CBLB: variants seen among roughly 807,000 people sequenced by gnomAD.
The protein encoded by CBLB is Cbl proto-oncogene B, also known as E3 ubiquitin-protein ligase CBL-B.
A neutral mutation model predicts 104.9 loss-of-function variants in CBLB; 31 were observed. The ratio of observed to expected loss-of-function variants is 0.30; its 90% CI spans 0.22 to 0.40. CBLB has a LOEUF of 0.40. Among genes scored for constraint, CBLB ranks in the 10% least tolerant of loss-of-function variants. CBLB has a pLI of 1.00. For synonymous variants in CBLB, 440 were observed against 422.6 expected (o/e 1.04, Z -0.51); for missense variants, 1,062 against 1,214.6 (o/e 0.87, Z 1.87).
intron 3 of CBLB, among the ~76,000 whole-genome samples, chr3:105,843,476 C>A (rs189462246): frequency 7.1e-4 from 108 of 151,882 alleles, no homozygotes; most frequent in African/African-American, 2.3e-3. Context: ...TTAAAGAAAA[C>A]AGGGATTGTT....
intron 17 of CBLB, among the ~76,000 whole-genome samples, chr3:105,677,974 G>C (rs574390285): frequency 4.9e-4 from 75 of 152,002 alleles, no homozygotes; most frequent in African/African-American, 1.7e-3. Flanking sequence ...CTCTATTCTT[G>C]TTATAACAAC....
chr3:105,838,684 T>C (rs926623141), intron 3 of CBLB, among the ~76,000 whole-genome samples: 1 of 142,390 alleles, frequency 7.0e-6, no homozygotes, highest in Non-Finnish European at 1.5e-5. Flanking sequence ...TTTTTTTTTT[T>C]CTGTCGCCAG....
chr3:105,826,315 C>A (rs2086577173), intron 3 of CBLB, among the ~76,000 whole-genome samples: 1 of 152,080 alleles, frequency 6.6e-6, no homozygotes, highest in Admixed American at 6.6e-5. Context: ...TATAACAAGG[C>A]AGTATAAAAC....
At chr3:105,733,265 G>A (rs769440430) in intron 9 of CBLB, among the ~76,000 whole-genome samples, 4 of 151,868 alleles carry the variant, frequency 2.6e-5, no homozygotes, top group Non-Finnish European at 2.9e-5. Flanking sequence ...GCTGAGGCAG[G>A]AGAATGGCGT....
At chr3:105,739,811 A>G (rs1197791286) in intron 7 of CBLB, among the ~76,000 whole-genome samples, 6 of 152,154 alleles carry the variant, frequency 3.9e-5, no homozygotes, top group Non-Finnish European at 5.9e-5. Context: ...TCAAAATAAA[A>G]AAAGTGAAAC....
In CBLB at chr3:105,746,056, T is replaced by C; in HGVS notation, c.724-18A>G. On this transcript the variant is annotated intron_variant, in intron 5 of 18. Coordinates refer to ENST00000394030, the MANE Select transcript of CBLB (RefSeq NM_170662.5). ...CCCCAAGGCTAAAAAATAAAAAAAT[T>C]AAAAGAGATTAGTATCTAGAGAATA... is the stretch of plus-strand genomic sequence containing the variant. 1 of 1,531,232 alleles carries C rather than the reference T, an allele frequency of 6.5e-7. No homozygotes were observed. The highest frequency in any genetic ancestry group is 9.0e-7 in the Non-Finnish European group (1 of 1,106,796). The allele number at this position is 1,531,232 out of a possible 1,614,324, so 94.9% of individuals were successfully genotyped here.
chr3:105,780,028 T>C, intron 3 of CBLB, among the ~76,000 whole-genome samples: 1 of 151,968 alleles, frequency 6.6e-6, no homozygotes, highest in Non-Finnish European at 1.5e-5. Context: ...TAACTTTGGA[T>C]TTTTAGTAGA....
intron 3 of CBLB, among the ~76,000 whole-genome samples, chr3:105,802,392 T>C (rs1217030687): frequency 6.6e-6 from 1 of 152,188 alleles, no homozygotes; most frequent in Non-Finnish European, 1.5e-5. Context: ...AGGTCACCAT[T>C]AGACTCTTAA....
At chr3:105,843,014 C>T (rs139329450) in intron 3 of CBLB, among the ~76,000 whole-genome samples, 27 of 152,342 alleles carry the variant, frequency 1.8e-4, no homozygotes, top group Non-Finnish European at 3.4e-4. Context: ...CAAATTTGGT[C>T]TGGCTCATTT....
At position 105,655,511 on chromosome 3, in the gene CBLB, T is replaced by G. The variant is rs2063279474; in HGVS notation, c.*3459A>C. 5.7e-6 allele frequency: 1 copy of G among 176,000 alleles called. No homozygotes were observed. Among genetic ancestry groups the G allele is most frequent in the Non-Finnish European group, 1.2e-5 (1 of 81,760 alleles). 10.9% of individuals were successfully genotyped at this position (176,000 alleles called of 1,614,324 possible). A position where few individuals can be genotyped will look rare whatever the true frequency, so the allele number is the denominator to read the frequency against. On this transcript the variant is annotated 3_prime_UTR_variant, in exon 19 of 19. Transcript: ENST00000394030. The stretch of plus-strand genomic sequence containing the variant: ...TACTTTAAAAGAACAGATAAAGTAC[T>G]TGAGGTTACATAATAACCAGAATTG...
At chr3:105,669,341 C>A (rs1179593594) in intron 18 of CBLB, among the ~76,000 whole-genome samples, 1 of 152,138 alleles carries the variant, frequency 6.6e-6, no homozygotes, top group Non-Finnish European at 1.5e-5. Flanking sequence ...CACTCCCTTG[C>A]CCTTGTGAGG....
chr3:105,829,129 T>A (rs539672397), intron 3 of CBLB, among the ~76,000 whole-genome samples: 54 of 152,074 alleles, frequency 3.6e-4, no homozygotes, highest in Admixed American at 1.3e-3. Flanking sequence ...GCTGATGAGA[T>A]CCTGAAATAT....
intron 3 of CBLB, among the ~76,000 whole-genome samples, chr3:105,791,385 C>T (rs190962638): frequency 1.2e-3 from 179 of 152,298 alleles, no homozygotes; most frequent in African/African-American, 4.1e-3. Flanking sequence ...TTAATTCCCT[C>T]ACTTCCAGAA....
At chr3:105,725,250 A>G (rs1385691971) in intron 9 of CBLB, among the ~76,000 whole-genome samples, 2 of 152,206 alleles carry the variant, frequency 1.3e-5, no homozygotes, top group Non-Finnish European at 2.9e-5. Flanking sequence ...TTACATAGTA[A>G]AAGCTTTTTG....
chr3:105,703,237 A>C (rs1475577414), intron 11 of CBLB, among the ~76,000 whole-genome samples: 1 of 152,198 alleles, frequency 6.6e-6, no homozygotes, highest in African/African-American at 2.4e-5. Flanking sequence ...GTGTTTACAT[A>C]ATTCTAAATG....
intron 4 of CBLB, among the ~76,000 whole-genome samples, chr3:105,757,046 C>A (rs1037627674): frequency 2.6e-5 from 4 of 152,278 alleles, no homozygotes; most frequent in Admixed American, 1.3e-4. Context: ...GTTTCACCTT[C>A]TGCCATGAGC....
intron 7 of CBLB, 100 bp from the exon 8 acceptor site, chr3:105,737,358 T>C (rs1470522718): frequency 3.5e-6 from 2 of 566,766 alleles, no homozygotes; most frequent in African/African-American, 3.8e-5. Context: ...TACATTTGGA[T>C]GTTTCCTTTT....
chr3:105,777,112 A>G (rs1577094788), intron 3 of CBLB, among the ~76,000 whole-genome samples: 1 of 152,352 alleles, frequency 6.6e-6, no homozygotes, highest in East Asian at 1.9e-4. Flanking sequence ...TGGCACAGTG[A>G]AAGCAGAGCA....
chr3:105,784,693 G>T (rs145838476), intron 3 of CBLB, among the ~76,000 whole-genome samples: 1 of 151,980 alleles, frequency 6.6e-6, no homozygotes, highest in East Asian at 1.9e-4. Context: ...TTTTTTCCAA[G>T]TTCTACCCCA....
Sources: allele counts gnomAD v4.1 joint callset (sites outside exome capture counted in the v4.1 genomes callset), GRCh38; gene constraint gnomAD v4.1.1; transcripts MANE v1.5; gene names NCBI Gene and HGNC (gene_info 2026-07-23, HGNC 2026-07-21).